Variants in PRKN observed in about 807,000 individuals in gnomAD.
PRKN encodes the protein parkin RBR E3 ubiquitin protein ligase.
PRKN carries 56 observed loss-of-function variants against 59.5 expected under a neutral mutation model. That is an observed-to-expected ratio of 0.94 (90% CI 0.76 to 1.18). PRKN has a LOEUF of 1.18. PRKN is among the 50% of genes most tolerant of loss of function. PRKN has a pLI of 0.00. For missense variants in PRKN, 657 were observed against 596.4 expected (o/e 1.10, Z -1.06); for synonymous variants, 250 against 222.1 (o/e 1.13, Z -1.12).
intron 7 of PRKN, among the ~76,000 whole-genome samples, chr6:161,615,643 G>A (rs1041835535): frequency 1.3e-5 from 2 of 152,182 alleles, no homozygotes; most frequent in East Asian, 3.9e-4. Context: ...CCCTTGCTCC[G>A]GCCCCATGCC....
At chr6:162,584,808 C>CTG (rs1215007959) in intron 1 of PRKN, among the ~76,000 whole-genome samples, 2 of 7,306 alleles carry the variant, frequency 2.7e-4, no homozygotes, top group Admixed American at 2.9e-3. Flanking sequence ...CTCCCCTCCC[C>CTG]TCCCCTCCCC....
intron 7 of PRKN, among the ~76,000 whole-genome samples, chr6:161,705,377 T>C (rs1282628244): frequency 6.6e-6 from 1 of 152,182 alleles, no homozygotes; most frequent in Non-Finnish European, 1.5e-5. Context: ...TCTTATGCAA[T>C]TTATTGAATA....
intron 4 of PRKN, among the ~76,000 whole-genome samples, chr6:162,122,545 A>G (rs953539389): frequency 6.6e-6 from 1 of 152,126 alleles, no homozygotes; most frequent in Non-Finnish European, 1.5e-5. Context: ...CAGAACAATG[A>G]ACTCATTTTG....
chr6:161,923,881 T>C (rs1036968327), intron 6 of PRKN, among the ~76,000 whole-genome samples: 4 of 152,162 alleles, frequency 2.6e-5, no homozygotes, highest in Admixed American at 2.6e-4. Flanking sequence ...CCTGGTACTC[T>C]TTGTACTTTG....
chr6:161,828,886 C>T (rs12210267), intron 6 of PRKN, among the ~76,000 whole-genome samples: 47,026 of 150,412 alleles, frequency 0.31, 7,865 homozygotes, highest in Middle Eastern at 0.39. Context: ...GCTGAGATCA[C>T]GCCATTGCAC....
At position 161,413,505 on chromosome 6, in the gene PRKN, G is replaced by T. The variant is rs1255868012; in HGVS notation, c.1084-26628C>A. The stretch of plus-strand genomic sequence containing the variant: ...AAGCCAAGTGGGCATGCTGCAGTGA[G>T]AACTGGGGGAGAAGGCCGGAACCTG... On this transcript the variant is annotated intron_variant, in intron 9 of 11. Transcript: ENST00000366898. The surrounding 1 kb of genome is among the most constrained non-coding windows in gnomAD (Gnocchi z 4.4). 6.6e-6 allele frequency among the ~76,000 whole-genome samples: 1 copy of T among 152,200 alleles called. No individual in the cohort carries two copies. The highest frequency in any genetic ancestry group is 1.5e-5 in the Non-Finnish European group (1 of 68,040).
chr6:162,099,176 T>TC (rs1779866489), intron 4 of PRKN, among the ~76,000 whole-genome samples: 2 of 152,176 alleles, frequency 1.3e-5, no homozygotes, highest in African/African-American at 4.8e-5. Context: ...AGCTTGAGGT[T>TC]CCCATGGAAT....
At chr6:162,334,617 G>T (rs1783748896) in intron 2 of PRKN, among the ~76,000 whole-genome samples, 1 of 152,186 alleles carries the variant, frequency 6.6e-6, no homozygotes, top group South Asian at 2.1e-4. Context: ...TATGCCTACT[G>T]ACTCAACATC....
At position 162,351,127 on chromosome 6, in the gene PRKN, T is replaced by A. The variant is rs145584675; in HGVS notation, c.172-88362A>T. On this transcript the variant is annotated intron_variant, in intron 2 of 11. Transcript: ENST00000366898. ...ATCACTTGAGCCTAAGGAGGTTGAG[T>A]CTGCAGTGATCCATGATCCTGCCAC... Among the ~76,000 whole-genome samples, 4 of 152,060 alleles carry A rather than the reference T, an allele frequency of 2.6e-5. No homozygotes were observed. In the East Asian group the frequency reaches 7.8e-4, roughly 29 times the overall value.
chr6:162,288,377 G>A (rs1490864128), intron 2 of PRKN, among the ~76,000 whole-genome samples: 1 of 152,104 alleles, frequency 6.6e-6, no homozygotes, highest in Non-Finnish European at 1.5e-5. Flanking sequence ...GTGTGATTAG[G>A]TTACACTATA....
At chr6:162,122,405 G>A (rs1780952100) in intron 4 of PRKN, among the ~76,000 whole-genome samples, 1 of 152,130 alleles carries the variant, frequency 6.6e-6, no homozygotes, top group African/African-American at 2.4e-5. Flanking sequence ...GGCAGCAAAC[G>A]GTCCTCGCTG....
intron 9 of PRKN, among the ~76,000 whole-genome samples, chr6:161,387,546 T>C: frequency 6.6e-6 from 1 of 152,204 alleles, no homozygotes; most frequent in East Asian, 1.9e-4. Context: ...TGCAAATAAA[T>C]ACCCACAGCA....
intron 1 of PRKN, among the ~76,000 whole-genome samples, chr6:162,645,385 A>G (rs1554257510): frequency 6.6e-6 from 1 of 152,216 alleles, no homozygotes; most frequent in African/African-American, 2.4e-5. Flanking sequence ...AGAAGCAAAC[A>G]GTCACTCAGT....
Position 161,575,570 on chromosome 6 carries a change from A to G in PRKN, c.872-6154T>C, listed in dbSNP as rs2128136411. ...AAAACCACATGAGTCTTCGATCACT[A>G]TTTTTCCTTTTAATTTCTTTGCAAG... On this transcript the variant is annotated intron_variant, in intron 7 of 11. Coordinates refer to ENST00000366898, the MANE Select transcript of PRKN (RefSeq NM_004562.3). The surrounding 1 kb of genome is among the most constrained non-coding windows in gnomAD (Gnocchi z 4.6). 6.6e-6 allele frequency among the ~76,000 whole-genome samples: 1 copy of G among 152,230 alleles called. No individual in the cohort carries two copies. Among genetic ancestry groups the G allele is most frequent in the Non-Finnish European group, 1.5e-5 (1 of 68,010 alleles).
intron 2 of PRKN, among the ~76,000 whole-genome samples, chr6:162,429,690 T>C (rs565511166): frequency 1.1e-3 from 170 of 152,248 alleles, no homozygotes; most frequent in African/African-American, 4.0e-3. Flanking sequence ...AACTCTTATG[T>C]TTTCTTAAAG....
chr6:161,600,975 T>C (rs9347523), intron 7 of PRKN, among the ~76,000 whole-genome samples: 6,757 of 152,304 alleles, frequency 0.044, 148 homozygotes, highest in East Asian at 0.078. Flanking sequence ...AATCATTCTT[T>C]CATCCATTCA....
chr6:162,671,816 A>T (rs554591579), intron 1 of PRKN, among the ~76,000 whole-genome samples: 1 of 152,146 alleles, frequency 6.6e-6, no homozygotes, highest in African/African-American at 2.4e-5. Flanking sequence ...TATTAAAAAT[A>T]ATCAGATGTC....
At chr6:162,033,961 C>G (rs1461304973) in intron 5 of PRKN, among the ~76,000 whole-genome samples, 1 of 152,016 alleles carries the variant, frequency 6.6e-6, no homozygotes, top group African/African-American at 2.4e-5. Context: ...AATATTATAA[C>G]ATGGAAGCTG....
chr6:161,583,947 G>A (rs1781435884), intron 7 of PRKN, among the ~76,000 whole-genome samples: 1 of 152,034 alleles, frequency 6.6e-6, no homozygotes, highest in East Asian at 1.9e-4. Flanking sequence ...GACTACCACC[G>A]GGTTAAAGTA....
Sources: allele counts gnomAD v4.1 joint callset (sites outside exome capture counted in the v4.1 genomes callset), GRCh38; gene constraint gnomAD v4.1.1; non-coding constraint Gnocchi (gnomAD v3.1); transcripts MANE v1.5; gene names NCBI Gene and HGNC (gene_info 2026-07-23, HGNC 2026-07-21).